The following ARHGAP4 variants were observed in gnomAD, a reference collection of about 807,000 sequenced individuals.
The protein encoded by ARHGAP4 is rho GTPase-activating protein 4.
In ARHGAP4, 25 loss-of-function variants were observed where a neutral mutation model predicts 67.6. The ratio of observed to expected loss-of-function variants is 0.37; its 90% confidence interval spans 0.27 to 0.52. The LOEUF (loss-of-function observed/expected upper bound fraction) is 0.52. ARHGAP4 is among the 20% of genes least tolerant of loss of function. ARHGAP4 has a pLI of 0.92. For synonymous variants in ARHGAP4, 448 were observed against 373.7 expected (o/e 1.20, Z -2.29); for missense variants, 804 against 854.6 (o/e 0.94, Z 0.74).
At chrX:153,919,809 C>CA in intron 5 of ARHGAP4, 1 of 703,963 alleles carries the variant, frequency 1.4e-6, no homozygotes, top group Non-Finnish European at 2.0e-6. Context: ...TTTTTTGAGA[C>CA]AGAGTCTCGC....
rs1557102830 is a variant in ARHGAP4 at position 153,910,546 on chromosome X, C to T, written c.1882G>A (p.Val628Met). 1.7e-6 allele frequency: 2 copies of T among 1,205,533 alleles called. No homozygotes were observed. The highest frequency in any genetic ancestry group is 3.5e-5 in the African/African-American group (2 of 57,570). ...AAGAGGTAGCGCAGAACCACCAGCACCGGCGCGGGCAGCCGCCACAGCAGG... is the reference window on the plus strand; with the variant it reads ...AAGAGGTAGCGCAGAACCACCAGCATCGGCGCGGGCAGCCGCCACAGCAGG... The part of the protein sequence containing the change: ...SRLLWRLPAP[V>M]LVVLRYLFTF... The change falls in exon 16 of 22, where the codon GTG becomes ATG. Residue 628 changes from valine (V) to methionine (M), a missense_variant. Val to Met is a conservative substitution (Grantham distance 21). Around this residue, in one of 2 missense-constraint regions of ARHGAP4, gnomAD observed 400 missense variants for 348.7 expected, o/e 1.15. Transcript: ENST00000350060.
intron 7 of ARHGAP4, 40 bp from the exon 8 acceptor site, chrX:153,913,919 G>C: frequency 8.7e-7 from 1 of 1,153,787 alleles, no homozygotes; most frequent in Non-Finnish European, 1.2e-6. Context: ...GGCTGGGCTT[G>C]GGCAGTAGGT....
chrX:153,914,755 G>A (rs1402020449), intron 7 of ARHGAP4, among the ~76,000 whole-genome samples: 1 of 111,796 alleles, frequency 8.9e-6, no homozygotes, highest in Non-Finnish European at 1.9e-5. Flanking sequence ...ACAGAACAGG[G>A]AGAGCCCAGC....
At position 153,926,026 on chromosome X, in the gene ARHGAP4, G is replaced by T. The variant is rs781962403; in HGVS notation, c.67+110C>A. The T allele has an allele frequency of 6.7e-5, 71 of 1,059,511 alleles. No homozygotes were observed. In the African/African-American group the frequency reaches 1.2e-3, roughly 18 times the overall value. The allele number at this position is 1,059,511 out of a possible 1,213,427, so 87.3% of individuals were successfully genotyped here. The stretch of plus-strand genomic sequence containing the variant: ...TCCCTCCTCCACCCCCGCTCCAGAG[G>T]TCGCTGGGGAGAGCATCGGGCCCTG... On this transcript the variant is annotated intron_variant, in intron 1 of 21. Transcript: ENST00000350060.
At position 153,921,647 on chromosome X, in the gene ARHGAP4, C is replaced by G; in HGVS notation, c.230G>C (p.Arg77Pro). ...CCGGCTGCTCCCCAGGCGGCCTCCA[C>G]GGCTGGAGAAGCGCTCGGCCAGCTT... is the stretch of plus-strand genomic sequence containing the variant. ...LEKLAERFSS[R>P]GGRLGSSREH... The change falls in exon 2 of 22, where the codon CGT becomes CCT. Residue 77 changes from arginine to proline, a missense_variant. Coordinates refer to ENST00000350060, the MANE Select transcript of ARHGAP4 (RefSeq NM_001666.5). 4 of 1,209,883 alleles carry G rather than the reference C, an allele frequency of 3.3e-6. No individual in the cohort carries two copies. The highest frequency in any genetic ancestry group is 4.5e-6 in the Non-Finnish European group (4 of 894,923).
chrX:153,920,909 G>A (rs1396471353), intron 4 of ARHGAP4, 101 bp from the exon 5 acceptor site: 5 of 1,087,996 alleles, frequency 4.6e-6, no homozygotes, highest in Non-Finnish European at 6.3e-6. Context: ...CCTCAGAGCT[G>A]GGCGATCCCA....
intron 7 of ARHGAP4, among the ~76,000 whole-genome samples, 155 bp downstream of exon 7, chrX:153,918,677 G>A (rs2065071607): frequency 8.9e-6 from 1 of 112,428 alleles, no homozygotes; most frequent in South Asian, 3.6e-4. Flanking sequence ...TTGGAGTGAG[G>A]CTGCAAATGG....
At chrX:153,925,990 G>A (rs1194090415) in intron 1 of ARHGAP4, 146 bp downstream of exon 1, 2 of 822,352 alleles carry the variant, frequency 2.4e-6, no homozygotes, top group Middle Eastern at 3.1e-4. Context: ...AGGCAGGCAA[G>A]GGGCTCAGGC....
chrX:153,921,322 C>G, intron 3 of ARHGAP4, 43 bp downstream of exon 3: 3 of 1,208,650 alleles, frequency 2.5e-6, no homozygotes, highest in Non-Finnish European at 2.2e-6. Context: ...CTCCTGATCC[C>G]AAAGCCTCGA....
At chrX:153,911,211 T>G (rs1569545851) in intron 12 of ARHGAP4, 22 bp from the exon 13 acceptor site, 1 of 1,129,617 alleles carries the variant, frequency 8.9e-7, no homozygotes, top group South Asian at 2.0e-5. Context: ...GGGTGTTTAC[T>G]TCACCATGGA....
chrX:153,911,124 C>T lies in ARHGAP4; in HGVS notation c.1603+5G>A. On this transcript the variant is annotated splice_donor_5th_base_variant and intron_variant, in intron 13 of 21. Transcript: ENST00000350060. ...GGACATCGGGAGGGGCTGGGTCCTGCTTACCATTGAGGTTGATGAAGCGAA... is the reference window on the plus strand; with the variant it reads ...GGACATCGGGAGGGGCTGGGTCCTGTTTACCATTGAGGTTGATGAAGCGAA... 2 of 1,170,055 alleles carry T rather than the reference C, an allele frequency of 1.7e-6. No homozygotes were observed. Among genetic ancestry groups the T allele is most frequent in the Non-Finnish European group, 2.3e-6 (2 of 874,071 alleles).
chrX:153,907,505 T>A lies in ARHGAP4; in HGVS notation c.*224A>T, dbSNP rs62620964. 15,277 of 373,611 alleles carry A rather than the reference T, an allele frequency of 0.041. 294 individuals carry two copies. The highest frequency in any genetic ancestry group is 0.055 in the Non-Finnish European group (11,977 of 217,206). 30.8% of individuals were successfully genotyped at this position (373,611 alleles called of 1,213,427 possible). ...CTGCAGAAGAGGGCTTTCCCCAGCA[T>A]CCTTCCTCAGCTGCCTCCAAAAGGG... On this transcript the variant is annotated 3_prime_UTR_variant, in exon 22 of 22. Transcript: ENST00000350060.
intron 21 of ARHGAP4, among the ~76,000 whole-genome samples, chrX:153,908,413 C>T (rs781798576): frequency 1.3e-4 from 15 of 112,125 alleles, no homozygotes; most frequent in Non-Finnish European, 1.3e-4. Context: ...CTGGGACACC[C>T]GCATGTTCTT....
rs5987182 is a variant in ARHGAP4, at chrX:153,921,489, G to C, written c.311C>G (p.Ala104Gly). 8.3e-7 allele frequency: 1 copy of C among 1,197,902 alleles called. No individual in the cohort carries two copies. Among genetic ancestry groups the C allele is most frequent in the South Asian group, 1.8e-5 (1 of 54,994 alleles). The change falls in exon 3 of 22, where the codon GCG (alanine) becomes GGG (glycine). Residue 104 changes from alanine (A) to glycine (G), a missense_variant. Physicochemically the swap from Ala to Gly is moderately conservative, Grantham distance 60. Around this residue, in one of 2 missense-constraint regions of ARHGAP4, gnomAD observed 404 missense variants for 505.9 expected, o/e 0.80. Coordinates refer to ENST00000350060, the MANE Select transcript of ARHGAP4 (RefSeq NM_001666.5). The part of the protein sequence containing the change: ...PSLLSPLHCW[A>G]VLLQHTRQQS... ...CTGCCGCGTGTGCTGCAGCAGCACC[G>C]CCCAGCAGTGCAAGGGCGACAGGAG...
chrX:153,914,030 G>A (rs1412114368), intron 7 of ARHGAP4, 151 bp from the exon 8 acceptor site: 2 of 475,924 alleles, frequency 4.2e-6, no homozygotes, highest in Non-Finnish European at 7.2e-6. Flanking sequence ...AATGGCAGGA[G>A]TGAACACACG....
chrX:153,919,959 G>C (rs2065082007), intron 5 of ARHGAP4, among the ~76,000 whole-genome samples: 1 of 110,827 alleles, frequency 9.0e-6, no homozygotes, highest in Admixed American at 9.6e-5. Flanking sequence ...GCTAATTTTT[G>C]TATTTTTAGT....
At position 153,921,035 on chromosome X, in the gene ARHGAP4, C is replaced by A. The variant is rs1189811418; in HGVS notation, c.498+62G>T. 41 of 1,143,262 alleles carry A rather than the reference C, an allele frequency of 3.6e-5. No individual in the cohort carries two copies. In the Admixed American group the frequency reaches 6.5e-4, roughly 18 times the overall value. The allele number at this position is 1,143,262 out of a possible 1,213,427, so 94.2% of individuals were successfully genotyped here. ...TGATGGTCTGGCGGTGTTCCTCCCCCACTGTGAGTGGCATTTCTCCCTGGA... is the reference window on the plus strand; with the variant it reads ...TGATGGTCTGGCGGTGTTCCTCCCCAACTGTGAGTGGCATTTCTCCCTGGA... On this transcript the variant is annotated intron_variant, in intron 4 of 21. Coordinates refer to ENST00000350060, the MANE Select transcript of ARHGAP4 (RefSeq NM_001666.5).
intron 1 of ARHGAP4, among the ~76,000 whole-genome samples, chrX:153,925,808 C>T (rs1210134401): frequency 4.4e-5 from 5 of 113,156 alleles, no homozygotes; most frequent in African/African-American, 1.6e-4. Context: ...TAAAATACTG[C>T]CTTCTGAGGG....
At chrX:153,915,060 G>A (rs983968462) in intron 7 of ARHGAP4, among the ~76,000 whole-genome samples, 1 of 112,185 alleles carries the variant, frequency 8.9e-6, no homozygotes, top group Non-Finnish European at 1.9e-5. Context: ...AGAAAGTAAG[G>A]CCATTTTGAG....
Sources: allele counts gnomAD v4.1 joint callset (sites outside exome capture counted in the v4.1 genomes callset), GRCh38; gene constraint gnomAD v4.1.1; regional missense constraint gnomAD v4.1.1; transcripts MANE v1.5; gene names NCBI Gene and HGNC (gene_info 2026-07-23, HGNC 2026-07-21).